GRID2: variants seen among roughly 807,000 people sequenced by gnomAD.
GRID2 encodes glutamate receptor ionotropic, delta-2.
Under a neutral mutation model 114.8 loss-of-function variants are expected in GRID2, and 33 were observed. The observed-to-expected ratio is 0.29, with a 90% CI of 0.22 to 0.38. The LOEUF (loss-of-function observed/expected upper bound fraction) is 0.38. Ranked by LOEUF, GRID2 falls within the 10% of genes least tolerant of loss-of-function variation. The pLI is 1.00. For missense variants in GRID2, 1,184 were observed against 1,257.7 expected, an observed-to-expected ratio of 0.94 and a Z score of 0.89; for synonymous variants, 505 against 449.9, an observed-to-expected ratio of 1.12 and a Z score of -1.55.
chr4:92,763,510 T>C (rs569572808), intron 2 of GRID2, among the ~76,000 whole-genome samples: 1 of 152,324 alleles, frequency 6.6e-6, no homozygotes, highest in East Asian at 1.9e-4. Context: ...TTGGCAACTA[T>C]TACACAACAT....
At chr4:93,214,574 A>G (rs1265159016) in intron 5 of GRID2, among the ~76,000 whole-genome samples, 1 of 152,096 alleles carries the variant, frequency 6.6e-6, no homozygotes, top group Non-Finnish European at 1.5e-5. Flanking sequence ...TCAGAATGAC[A>G]GATTCTTTCT....
chr4:93,438,329 A>G (rs1039152298), intron 10 of GRID2, among the ~76,000 whole-genome samples: 2 of 152,160 alleles, frequency 1.3e-5, no homozygotes, highest in African/African-American at 4.8e-5. Context: ...TGGGGAGTTG[A>G]AAAGATTTCA....
chr4:92,925,038 A>G (rs2149512390), intron 2 of GRID2, among the ~76,000 whole-genome samples: 1 of 152,220 alleles, frequency 6.6e-6, no homozygotes, highest in Middle Eastern at 3.4e-3. Context: ...TTAACATATG[A>G]ATTAATCTAA....
intron 2 of GRID2, among the ~76,000 whole-genome samples, chr4:92,767,188 A>C (rs763073245): frequency 2.6e-5 from 4 of 152,212 alleles, no homozygotes; most frequent in Non-Finnish European, 5.9e-5. Flanking sequence ...AGCTGGTTTC[A>C]GCCATACCCT....
intron 1 of GRID2, among the ~76,000 whole-genome samples, chr4:93,799,137 AT>A (rs1420934683): frequency 1.3e-5 from 2 of 152,202 alleles, no homozygotes; most frequent in African/African-American, 4.8e-5. Flanking sequence ...TCTATTAATA[AT>A]TTATGCCTCA....
chr4:92,961,076 T>TA (rs1453215011), intron 2 of GRID2, among the ~76,000 whole-genome samples: 1 of 151,826 alleles, frequency 6.6e-6, no homozygotes, highest in Non-Finnish European at 1.5e-5. Context: ...TCTAACTTCT[T>TA]AAAAAATAAT....
intron 7 of GRID2, among the ~76,000 whole-genome samples, chr4:93,235,192 G>A (rs891535118): frequency 2.0e-5 from 3 of 151,990 alleles, no homozygotes; most frequent in Admixed American, 6.6e-5. Flanking sequence ...TATATTTGAT[G>A]TCCACTGGTA....
chr4:93,340,435 G>T (rs1291114154), intron 8 of GRID2, among the ~76,000 whole-genome samples: 1 of 151,702 alleles, frequency 6.6e-6, no homozygotes, highest in Non-Finnish European at 1.5e-5. Context: ...TTAATTTTCA[G>T]ATGTTCATTT....
intron 13 of GRID2, among the ~76,000 whole-genome samples, chr4:93,589,880 G>T (rs1035624564): frequency 6.6e-6 from 1 of 151,478 alleles, no homozygotes; most frequent in Non-Finnish European, 1.5e-5. Context: ...CATGTCCTTT[G>T]CCCACTTGTT....
At chr4:92,880,780 G>A (rs1328882616) in intron 2 of GRID2, among the ~76,000 whole-genome samples, 1 of 152,150 alleles carries the variant, frequency 6.6e-6, no homozygotes, top group Non-Finnish European at 1.5e-5. Flanking sequence ...GGAGTGCAAT[G>A]ACGCTATCTT....
intron 14 of GRID2, among the ~76,000 whole-genome samples, chr4:93,746,240 A>G (rs762498921): frequency 6.6e-6 from 1 of 152,150 alleles, no homozygotes; most frequent in African/African-American, 2.4e-5. Flanking sequence ...GTAACCATTT[A>G]TCTAATCATT....
chr4:92,415,402 AT>A (rs967747876), intron 1 of GRID2, among the ~76,000 whole-genome samples: 16 of 151,328 alleles, frequency 1.1e-4, no homozygotes, highest in Non-Finnish European at 2.2e-4. Context: ...GGTTTCTGAG[AT>A]TTTGGTGCAC....
intron 1 of GRID2, among the ~76,000 whole-genome samples, chr4:92,333,689 G>A (rs971383787): frequency 5.3e-5 from 8 of 151,852 alleles, no homozygotes; most frequent in African/African-American, 9.7e-5. Flanking sequence ...AACTTCTTCC[G>A]TATTTTGTTT....
intron 2 of GRID2, among the ~76,000 whole-genome samples, chr4:92,904,590 A>G (rs1747815479): frequency 6.6e-6 from 1 of 151,910 alleles, no homozygotes; most frequent in Admixed American, 6.6e-5. Context: ...AAAAGTATGC[A>G]GGAGAGAAAT....
At chr4:92,838,343 A>C (rs1489063983) in intron 2 of GRID2, among the ~76,000 whole-genome samples, 1 of 152,088 alleles carries the variant, frequency 6.6e-6, no homozygotes, top group African/African-American at 2.4e-5. Context: ...CATTTACCAG[A>C]TGGGAGTGAT....
chr4:93,109,640 C>T (rs953301894), intron 3 of GRID2, among the ~76,000 whole-genome samples: 1 of 152,000 alleles, frequency 6.6e-6, no homozygotes, highest in African/African-American at 2.4e-5. Context: ...TTCATAAGTT[C>T]CCTACAATCC....
At chr4:93,156,429 A>C (rs1310086970) in intron 4 of GRID2, among the ~76,000 whole-genome samples, 2 of 151,776 alleles carry the variant, frequency 1.3e-5, no homozygotes, top group Admixed American at 1.3e-4. Context: ...AATAGTAGGA[A>C]CAAGGAACAA....
intron 14 of GRID2, among the ~76,000 whole-genome samples, chr4:93,723,275 AATAT>A (rs1729553048): frequency 6.6e-6 from 1 of 152,250 alleles, no homozygotes; most frequent in Admixed American, 6.5e-5. Flanking sequence ...GTATTACCAA[AATAT>A]CACATGGGAA....
intron 2 of GRID2, among the ~76,000 whole-genome samples, chr4:92,869,881 T>C (rs1745148060): frequency 6.6e-6 from 1 of 152,156 alleles, no homozygotes; most frequent in African/African-American, 2.4e-5. Flanking sequence ...TCTGAAATGT[T>C]TGTGCATTAT....
Sources: allele counts gnomAD v4.1 joint callset (sites outside exome capture counted in the v4.1 genomes callset), GRCh38; gene constraint gnomAD v4.1.1; transcripts MANE v1.5; gene names NCBI Gene and HGNC (gene_info 2026-07-23, HGNC 2026-07-21).